The following GALNTL6 variants were observed in gnomAD, a reference collection of about 807,000 sequenced individuals.
The protein encoded by GALNTL6 is polypeptide N-acetylgalactosaminyltransferase-like 6.
A neutral mutation model predicts 73.7 loss-of-function variants in GALNTL6; 46 were observed. The ratio of observed to expected loss-of-function variants is 0.62; its 90% CI spans 0.49 to 0.80. GALNTL6 has a LOEUF of 0.80. Ranked by LOEUF, GALNTL6 falls within the 30% of genes least tolerant of loss-of-function variation. GALNTL6 has a pLI of 0.00. For synonymous variants in GALNTL6, 259 were observed against 263.7 expected (o/e 0.98, Z 0.17); for missense variants, 604 against 755.0 (o/e 0.80, Z 2.34).
At chr4:172,978,779 T>C (rs569128396) in intron 10 of GALNTL6, among the ~76,000 whole-genome samples, 19 of 152,238 alleles carry the variant, frequency 1.2e-4, no homozygotes, top group Non-Finnish European at 2.5e-4. Context: ...TGCAATGTTG[T>C]GGCAAACACA....
chr4:172,756,382 G>A (rs1167689730), intron 5 of GALNTL6, among the ~76,000 whole-genome samples: 3 of 152,180 alleles, frequency 2.0e-5, no homozygotes, highest in East Asian at 1.9e-4. Context: ...TGTGGCTCAC[G>A]CCTGTAATCC....
At chr4:172,749,073 TTTG>T (rs1332029298) in intron 5 of GALNTL6, among the ~76,000 whole-genome samples, 4 of 146,388 alleles carry the variant, frequency 2.7e-5, no homozygotes, top group Admixed American at 1.4e-4. Context: ...CAGGCTAATT[TTTG>T]TTGTTGTTGT....
chr4:172,186,643 G>A (rs776325327), intron 2 of GALNTL6, among the ~76,000 whole-genome samples: 6 of 151,930 alleles, frequency 3.9e-5, no homozygotes, highest in Non-Finnish European at 5.9e-5. Flanking sequence ...GATGAACCTC[G>A]AGGACATTTT....
At chr4:171,961,710 A>T (rs959801005) in intron 2 of GALNTL6, among the ~76,000 whole-genome samples, 2 of 152,204 alleles carry the variant, frequency 1.3e-5, no homozygotes, top group Non-Finnish European at 2.9e-5. Flanking sequence ...TAACGTGCTT[A>T]TTCCTGTAAA....
intron 3 of GALNTL6, among the ~76,000 whole-genome samples, chr4:172,238,145 T>C (rs577970422): frequency 1.2e-4 from 18 of 152,232 alleles, no homozygotes; most frequent in South Asian, 2.1e-4. Flanking sequence ...AAGAACGTCA[T>C]TGGTAGTTCA....
intron 2 of GALNTL6, among the ~76,000 whole-genome samples, chr4:171,875,111 G>A (rs887351850): frequency 2.6e-5 from 4 of 152,170 alleles, no homozygotes; most frequent in South Asian, 2.1e-4. Context: ...AAGGGTTCAC[G>A]GGGAAGGTAA....
At chr4:172,648,494 G>C (rs1740339627) in intron 5 of GALNTL6, among the ~76,000 whole-genome samples, 1 of 152,060 alleles carries the variant, frequency 6.6e-6, no homozygotes, top group Non-Finnish European at 1.5e-5. Context: ...TGAATTATTA[G>C]AATTTCCATT....
intron 11 of GALNTL6, among the ~76,000 whole-genome samples, chr4:173,020,929 C>T (rs1456046297): frequency 1.3e-5 from 2 of 152,072 alleles, no homozygotes; most frequent in African/African-American, 2.4e-5. Context: ...AAAAATTAGC[C>T]AGGCGTGGTG....
At chr4:171,953,762 T>C (rs915298477) in intron 2 of GALNTL6, among the ~76,000 whole-genome samples, 9 of 151,840 alleles carry the variant, frequency 5.9e-5, no homozygotes, top group African/African-American at 1.7e-4. Context: ...ATATCAAGAG[T>C]ATATATTTTT....
intron 4 of GALNTL6, among the ~76,000 whole-genome samples, chr4:172,336,275 G>GTTTTTTTTTT (rs200566896): frequency 1.6e-5 from 2 of 126,038 alleles, no homozygotes; most frequent in African/African-American, 5.9e-5. Flanking sequence ...GTTTTGTTTT[G>GTTTTTTTTTT]TTTTTTTTTT....
chr4:172,698,992 G>T (rs1034442490), intron 5 of GALNTL6, among the ~76,000 whole-genome samples: 1 of 152,032 alleles, frequency 6.6e-6, no homozygotes, highest in Non-Finnish European at 1.5e-5. Context: ...ATTTCTCATA[G>T]TTCGGGAATC....
intron 2 of GALNTL6, among the ~76,000 whole-genome samples, chr4:171,955,985 G>A (rs1560857940): frequency 7.0e-6 from 1 of 143,660 alleles, no homozygotes; most frequent in African/African-American, 2.6e-5. Context: ...ATAAATATTT[G>A]TTACTTACTA....
chr4:171,960,927 C>T (rs1249179393), intron 2 of GALNTL6, among the ~76,000 whole-genome samples: 1 of 151,928 alleles, frequency 6.6e-6, no homozygotes, highest in Non-Finnish European at 1.5e-5. Context: ...ACTCTGCCCA[C>T]AGAGTAGCCA....
In GALNTL6 at chr4:172,336,270, G is replaced by GTTTTTTTTTT. The variant is rs138448149; in HGVS notation, c.387-12249_387-12248insTTTTTTTTTT. 2.2e-3 allele frequency among the ~76,000 whole-genome samples: 242 copies of GTTTTTTTTTT among 108,402 alleles called. 42 individuals are homozygous for GTTTTTTTTTT. Among genetic ancestry groups the GTTTTTTTTTT allele is most frequent in the Non-Finnish European group, 2.7e-3 (156 of 58,150 alleles). The allele number at this position is 108,402 out of a possible 152,430, so 71.1% of individuals were successfully genotyped here. A position where few individuals can be genotyped will look rare whatever the true frequency, so the allele number is the denominator to read the frequency against. Reference sequence around the variant, plus strand: ...TGAGAACTCTTCTTGGTATAGTTTTGTTTTGTTTTTTTTTTTTTTTGACTG... The same window carrying GTTTTTTTTTT: ...TGAGAACTCTTCTTGGTATAGTTTTGTTTTTTTTTTTTTTGTTTTTTTTTTTTTTTGACTG... On this transcript the variant is annotated intron_variant, in intron 4 of 12. Coordinates refer to ENST00000506823, the MANE Select transcript of GALNTL6 (RefSeq NM_001034845.3).
intron 4 of GALNTL6, among the ~76,000 whole-genome samples, chr4:172,332,175 A>G (rs1447024884): frequency 1.3e-5 from 2 of 152,026 alleles, no homozygotes; most frequent in Non-Finnish European, 2.9e-5. Context: ...TCCTTGGATG[A>G]ATGTTTAAGT....
intron 5 of GALNTL6, among the ~76,000 whole-genome samples, chr4:172,546,713 G>T (rs1252411116): frequency 1.4e-5 from 2 of 142,824 alleles, no homozygotes; most frequent in Non-Finnish European, 3.0e-5. Context: ...GAGTCCCTTA[G>T]ATTCAAGTGT....
At chr4:172,165,353 C>T (rs1242831498) in intron 2 of GALNTL6, among the ~76,000 whole-genome samples, 3 of 152,076 alleles carry the variant, frequency 2.0e-5, no homozygotes, top group Non-Finnish European at 4.4e-5. Context: ...TGTCCGTTGC[C>T]ACACAGTTAA....
chr4:171,942,210 G>A (rs2111015141), intron 2 of GALNTL6, among the ~76,000 whole-genome samples: 1 of 109,794 alleles, frequency 9.1e-6, no homozygotes, highest in South Asian at 2.9e-4. Flanking sequence ...GGCCAACATG[G>A]TGAAACCCGG....
At chr4:172,708,918 C>T (rs142955938) in intron 5 of GALNTL6, among the ~76,000 whole-genome samples, 1 of 152,232 alleles carries the variant, frequency 6.6e-6, no homozygotes, top group Non-Finnish European at 1.5e-5. Context: ...AAGGATCTTG[C>T]CTTCTACCCT....
Sources: gnomAD v4.1 joint callset for allele counts (sites outside exome capture counted in the v4.1 genomes callset) on GRCh38, gnomAD v4.1.1 for gene constraint, MANE v1.5 for transcripts, NCBI Gene and HGNC (gene_info 2026-07-23, HGNC 2026-07-21) for gene names.